The following SPATA31D1 variants were observed in gnomAD, a reference collection of about 807,000 sequenced individuals.
The protein encoded by SPATA31D1 is spermatogenesis-associated protein 31D1.
In SPATA31D1, 6 loss-of-function variants were observed where a neutral mutation model predicts 13.2. The observed-to-expected ratio is 0.46, with a 90% CI of 0.25 to 0.90. SPATA31D1 has a LOEUF of 0.90. Ranked by LOEUF, SPATA31D1 falls within the 40% of genes least tolerant of loss-of-function variation. The pLI, the probability that SPATA31D1 is intolerant of heterozygous loss-of-function variation, is 0.18. For missense variants in SPATA31D1, 2,445 were observed against 1,884.7 expected (o/e 1.30, Z -5.50); for synonymous variants, 903 against 718.8 (o/e 1.26, Z -4.10).
rs778912595 is a variant in SPATA31D1, at chr9:81,988,845, C to G, written c.27C>G (p.Asn9Lys). Reference protein sequence around the residue: MENILCFLNSYTETGLSPD... With the variant: MENILCFLKSYTETGLSPD... ...TGGAGAATATCCTCTGTTTTCTGAA[C>G]AGCTATACTGAGACAGGGCTGAGCC... Residue 9 changes from asparagine to lysine, a missense_variant, in exon 1 of 4, where the codon AAC becomes AAG. Transcript: ENST00000344803. 8.1e-6 allele frequency: 13 copies of G among 1,612,632 alleles called. No individual in the cohort carries two copies. The highest frequency in any genetic ancestry group is 1.3e-5 in the African/African-American group (1 of 74,864).
At position 81,993,574 on chromosome 9, in the gene SPATA31D1, A is replaced by G; in HGVS notation, c.3104A>G (p.Glu1035Gly). The stretch of plus-strand genomic sequence containing the variant: ...AGAGGTACTACAGATTTTCAAAGCG[A>G]AAAATTAGATTCAACAAGCTCATTC... ...LRRGTTDFQSEKLDSTSSFPI... is the reference protein window; with the variant it reads ...LRRGTTDFQSGKLDSTSSFPI... The change falls in exon 4 of 4, where the codon GAA (glutamate) becomes GGA (glycine). Residue 1035 changes from glutamate (E) to glycine (G), a missense_variant. Glu to Gly is a moderately conservative substitution (Grantham distance 98). Transcript: ENST00000344803. 6.2e-7 allele frequency: 1 copy of G among 1,613,948 alleles called. No individual in the cohort carries two copies. The highest frequency in any genetic ancestry group is 8.5e-7 in the Non-Finnish European group (1 of 1,179,884).
intron 2 of SPATA31D1, chr9:81,990,061 G>A (rs1206255686): frequency 5.6e-6 from 3 of 535,586 alleles, no homozygotes; most frequent in Non-Finnish European, 9.9e-6. Context: ...TTGCCCAATT[G>A]GTGGCCAACT....
upstream of SPATA31D1, among the ~76,000 whole-genome samples, chr9:81,987,641 A>G (rs1247782563): frequency 2.6e-5 from 4 of 152,278 alleles, no homozygotes; most frequent in African/African-American, 9.6e-5. Context: ...AACCCCCAAG[A>G]TCCCTTGAAG....
chr9:81,993,116 G>A lies in SPATA31D1; in HGVS notation c.2646G>A (p.Glu882=). 6.2e-7 allele frequency: 1 copy of A among 1,613,920 alleles called. No individual in the cohort carries two copies. Among genetic ancestry groups the A allele is most frequent in the Non-Finnish European group, 8.5e-7 (1 of 1,179,860 alleles). ...KHRNLVTLVS[E]DHCVDTSQEI... is the part of the protein sequence containing the mutation. ...GAAATCTGGTAACATTGGTGAGTGA[G>A]GACCACTGCGTTGATACTTCCCAGG... Residue 882 remains glutamate (E), a synonymous_variant, in exon 4 of 4, where the codon GAG becomes GAA. Coordinates refer to ENST00000344803, the MANE Select transcript of SPATA31D1 (RefSeq NM_001001670.3).
At position 81,989,758 on chromosome 9, in the gene SPATA31D1, T is replaced by C. The variant is rs1352350434; in HGVS notation, c.187-20T>C. 1.9e-6 allele frequency: 3 copies of C among 1,613,378 alleles called. No individual in the cohort carries two copies. The highest frequency in any genetic ancestry group is 1.1e-5 in the South Asian group (1 of 91,028). Reference sequence around the variant, plus strand: ...AGAGAAGTGAGTCCCAGCCTGTCATTATCTGTCTTTTGTTCTCAGCATCAG... The same window carrying C: ...AGAGAAGTGAGTCCCAGCCTGTCATCATCTGTCTTTTGTTCTCAGCATCAG... On this transcript the variant is annotated intron_variant, in intron 1 of 3. Coordinates refer to ENST00000344803, the MANE Select transcript of SPATA31D1 (RefSeq NM_001001670.3).
At position 81,994,872 on chromosome 9, in the gene SPATA31D1, G is replaced by A. The variant is rs1181424219; in HGVS notation, c.4402G>A (p.Val1468Met). 6.2e-7 allele frequency: 1 copy of A among 1,613,988 alleles called. No individual in the cohort carries two copies. Among genetic ancestry groups the A allele is most frequent in the South Asian group, 1.1e-5 (1 of 91,082 alleles). The stretch of plus-strand genomic sequence containing the variant: ...CAACTACAGGGCTCCCTCCTGCAAA[G>A]TGACACGTACCAAATCTTGCAGCCA... ...PCNYRAPSCKVTRTKSCSQQA... is the reference protein window; with the variant it reads ...PCNYRAPSCKMTRTKSCSQQA... The change falls in exon 4 of 4, where the codon GTG (valine) becomes ATG (methionine). Residue 1468 changes from valine to methionine, a missense_variant. By Grantham distance (21) the Val-to-Met change is conservative. Transcript: ENST00000344803.
At chr9:81,987,577 A>T (rs2133433418), upstream of SPATA31D1, among the ~76,000 whole-genome samples, 1 of 152,330 alleles carries the variant, frequency 6.6e-6, no homozygotes, top group South Asian at 2.1e-4. Flanking sequence ...ATGTTCCAAA[A>T]GTGCTTGAAC....
Position 81,995,230 on chromosome 9 carries a change from C to G in SPATA31D1, c.*29C>G. 2 of 1,471,186 alleles carry G rather than the reference C, an allele frequency of 1.4e-6. No individual in the cohort carries two copies. Among genetic ancestry groups the G allele is most frequent in the Non-Finnish European group, 1.8e-6 (2 of 1,108,704 alleles). The allele number at this position is 1,471,186 out of a possible 1,614,324, so 91.1% of individuals were successfully genotyped here. On this transcript the variant is annotated 3_prime_UTR_variant, in exon 4 of 4. Coordinates refer to ENST00000344803, the MANE Select transcript of SPATA31D1 (RefSeq NM_001001670.3). ...ACTCCTTGTTGAGAATCTTGATTCT[C>G]CCCAATAAATGTTCCAATAAGAAGG... is the stretch of plus-strand genomic sequence containing the variant.
Position 81,993,370 on chromosome 9 carries a change from GC to G in SPATA31D1, c.2901del (p.Ser967ArgfsTer35). 1 of 1,613,958 alleles carries G rather than the reference GC, an allele frequency of 6.2e-7. No homozygotes were observed. The highest frequency in any genetic ancestry group is 1.1e-5 in the South Asian group (1 of 91,074). ...GGGGTCTCTAAGTCCCGTAGTCGAA[GC>G]ACTTTTCAAGGAGAAAAGTTGGGAA... is the stretch of plus-strand genomic sequence containing the variant. The part of the protein sequence containing the change: ...KDGVSKSRSR[S>X]TFQGEKLGTT... On this transcript the variant is annotated frameshift_variant, in exon 4 of 4. Coordinates refer to ENST00000344803, the MANE Select transcript of SPATA31D1 (RefSeq NM_001001670.3). LOFTEE classifies it low-confidence loss of function (END_TRUNC).
At chr9:81,988,291 A>T (rs1192188746), upstream of SPATA31D1, among the ~76,000 whole-genome samples, 1 of 152,256 alleles carries the variant, frequency 6.6e-6, no homozygotes, top group Non-Finnish European at 1.5e-5. Context: ...CAAAAAATGT[A>T]ATGTTCAACA....
In SPATA31D1 at chr9:81,993,264, A is replaced by G. The variant is rs768657639; in HGVS notation, c.2794A>G (p.Lys932Glu). 1 of 1,613,986 alleles carries G rather than the reference A, an allele frequency of 6.2e-7. No individual in the cohort carries two copies. Among genetic ancestry groups the G allele is most frequent in the East Asian group, 2.2e-5 (1 of 44,864 alleles). Reference sequence around the variant, plus strand: ...TGAATCCATAGAAATCTTCAAATCGAAAGCGGACCTTTCCACTTCCTTTTC... The same window carrying G: ...TGAATCCATAGAAATCTTCAAATCGGAAGCGGACCTTTCCACTTCCTTTTC... Reference protein sequence around the residue: ...VLESIEIFKSKADLSTSFSHF... With the variant: ...VLESIEIFKSEADLSTSFSHF... Residue 932 changes from lysine to glutamate, a missense_variant, in exon 4 of 4, where the codon AAA (lysine) becomes GAA (glutamate). Physicochemically the swap from Lys to Glu is moderately conservative, Grantham distance 56. Coordinates refer to ENST00000344803, the MANE Select transcript of SPATA31D1 (RefSeq NM_001001670.3).
rs1322742984 is a variant in SPATA31D1 at position 81,994,710 on chromosome 9, G to C, written c.4240G>C (p.Glu1414Gln). ...KIRKDTREFL[E>Q]EKLGHRHGID... ...TAGGAAAGACACTAGGGAGTTCCTA[G>C]AAGAGAAGCTGGGGCATAGGCATGG... Residue 1414 changes from glutamate (E) to glutamine (Q), a missense_variant, in exon 4 of 4, where the codon GAA (glutamate) becomes CAA (glutamine). Glu to Gln is a conservative substitution (Grantham distance 29). Transcript: ENST00000344803. 6.2e-7 allele frequency: 1 copy of C among 1,613,814 alleles called. No homozygotes were observed.
At position 81,988,901 on chromosome 9, in the gene SPATA31D1, A is replaced by C. The variant is rs754350151; in HGVS notation, c.83A>C (p.Asn28Thr). 11 of 1,612,676 alleles carry C rather than the reference A, an allele frequency of 6.8e-6. No homozygotes were observed. Among genetic ancestry groups the C allele is most frequent in the Non-Finnish European group, 9.3e-6 (11 of 1,179,662 alleles). The part of the protein sequence containing the change: ...PDSHWLDIDP[N>T]FICLSGLGLF... The stretch of plus-strand genomic sequence containing the variant: ...TCACATTGGTTGGATATCGACCCCA[A>C]CTTCATCTGCTTGAGTGGGTTGGGG... The change falls in exon 1 of 4, where the codon AAC becomes ACC. Residue 28 changes from asparagine to threonine, a missense_variant. Asn to Thr is a moderately conservative substitution (Grantham distance 65). Coordinates refer to ENST00000344803, the MANE Select transcript of SPATA31D1 (RefSeq NM_001001670.3).
Position 81,993,364 on chromosome 9 carries a change from G to A in SPATA31D1, c.2894G>A (p.Ser965Asn). 9 of 1,613,936 alleles carry A rather than the reference G, an allele frequency of 5.6e-6. No individual in the cohort carries two copies. Among genetic ancestry groups the A allele is most frequent in the Non-Finnish European group, 7.6e-6 (9 of 1,179,894 alleles). The change falls in exon 4 of 4, where the codon AGT (serine) becomes AAT (asparagine). Residue 965 changes from serine to asparagine, a missense_variant. By Grantham distance (46) the Ser-to-Asn change is conservative. Transcript: ENST00000344803. Reference sequence around the variant, plus strand: ...AAAGATGGGGTCTCTAAGTCCCGTAGTCGAAGCACTTTTCAAGGAGAAAAG... The same window carrying A: ...AAAGATGGGGTCTCTAAGTCCCGTAATCGAAGCACTTTTCAAGGAGAAAAG... ...DSKDGVSKSR[S>N]RSTFQGEKLG...
chr9:81,990,756 T>A lies in SPATA31D1; in HGVS notation c.303-17T>A. 6.3e-7 allele frequency: 1 copy of A among 1,591,462 alleles called. No individual in the cohort carries two copies. Among genetic ancestry groups the A allele is most frequent in the Non-Finnish European group, 8.6e-7 (1 of 1,167,738 alleles). ...AGGCTAACAAATCTCCTTTCCTTGT[T>A]CTGGTCCTGACTGCAGCTTTGGACC... On this transcript the variant is annotated splice_polypyrimidine_tract_variant and intron_variant, in intron 3 of 3. Transcript: ENST00000344803.
At position 81,990,964 on chromosome 9, in the gene SPATA31D1, C is replaced by T. The variant is rs536036092; in HGVS notation, c.494C>T (p.Ala165Val). 37 of 1,613,700 alleles carry T rather than the reference C, an allele frequency of 2.3e-5. No homozygotes were observed. Among genetic ancestry groups the T allele is most frequent in the Admixed American group, 6.7e-5 (4 of 59,986 alleles). The change falls in exon 4 of 4, where the codon GCG (alanine) becomes GTG (valine). Residue 165 changes from alanine (A) to valine (V), a missense_variant. Transcript: ENST00000344803. The part of the protein sequence containing the change: ...SVSPLASSAS[A>V]TESSFTLAST... ...TCCCCTTTGGCTTCTTCGGCTTCTG[C>T]GACTGAGTCATCGTTCACTCTGGCT...
Position 81,994,840 on chromosome 9 carries a change from G to A in SPATA31D1, c.4370G>A (p.Cys1457Tyr), listed in dbSNP as rs1381512869. 1.9e-6 allele frequency: 3 copies of A among 1,613,844 alleles called. No homozygotes were observed. The highest frequency in any genetic ancestry group is 8.5e-7 in the Non-Finnish European group (1 of 1,179,898). ...VHVRAEPVQG[C>Y]PCNYRAPSCK... is the part of the protein sequence containing the mutation. The stretch of plus-strand genomic sequence containing the variant: ...GTCAGAGCAGAGCCTGTCCAGGGCT[G>A]TCCCTGCAACTACAGGGCTCCCTCC... The change falls in exon 4 of 4, where the codon TGT (cysteine) becomes TAT (tyrosine). Residue 1457 changes from cysteine to tyrosine, a missense_variant. Coordinates refer to ENST00000344803, the MANE Select transcript of SPATA31D1 (RefSeq NM_001001670.3).
Position 81,993,470 on chromosome 9 carries a change from C to T in SPATA31D1, c.3000C>T (p.Thr1000=). The T allele has an allele frequency of 6.2e-7, 1 of 1,613,780 alleles. No homozygotes were observed. Among genetic ancestry groups the T allele is most frequent in the Non-Finnish European group, 8.5e-7 (1 of 1,179,842 alleles). ...CTGTCGTCCAAGAAGGGCAGGGGAC[C>T]CTGAGAAGACAATTTTCTGATACTG... ...SSPVVQEGQG[T]LRRQFSDTDH... is the part of the protein sequence containing the mutation. The change falls in exon 4 of 4, where the codon ACC becomes ACT. Residue 1000 remains threonine (T), a synonymous_variant. Transcript: ENST00000344803.
At chr9:81,990,675 C>A in intron 3 of SPATA31D1, 98 bp from the exon 4 acceptor site, 1 of 1,467,548 alleles carries the variant, frequency 6.8e-7, no homozygotes, top group South Asian at 1.3e-5. Flanking sequence ...ACGGTGAGGT[C>A]CTGGGTTGGG....
Sources: gnomAD v4.1 joint callset for allele counts (sites outside exome capture counted in the v4.1 genomes callset) on GRCh38, gnomAD v4.1.1 for gene constraint, MANE v1.5 for transcripts, NCBI Gene and HGNC (gene_info 2026-07-23, HGNC 2026-07-21) for gene names.